Variants in NUP155 observed in about 807,000 individuals in gnomAD.
NUP155 encodes the protein nuclear pore complex protein Nup155.
Under a neutral mutation model 180.4 loss-of-function variants are expected in NUP155, and 71 were observed. The observed-to-expected ratio is 0.39, with a 90% confidence interval of 0.33 to 0.48. NUP155 has a LOEUF of 0.48. Among genes scored for constraint, NUP155 ranks in the 20% least tolerant of loss-of-function variants. NUP155 has a pLI of 0.91. For missense variants in NUP155, 1,553 were observed against 1,648.9 expected (o/e 0.94, Z 1.01); for synonymous variants, 582 against 559.5 (o/e 1.04, Z -0.57).
At chr5:37,356,229 CAAA>C (rs35469429) in intron 4 of NUP155, among the ~76,000 whole-genome samples, 2 of 91,452 alleles carry the variant, frequency 2.2e-5, no homozygotes, top group Non-Finnish European at 2.2e-5. Flanking sequence ...AATTCCATCT[CAAA>C]AAAAAAAAAA....
chr5:37,294,149 T>C (rs1402016066), intron 33 of NUP155, among the ~76,000 whole-genome samples, 180 bp downstream of exon 33: 4 of 152,060 alleles, frequency 2.6e-5, no homozygotes, highest in Non-Finnish European at 5.9e-5. Flanking sequence ...AATCATGATA[T>C]ACAGGAAAGC....
At chr5:37,358,905 T>C in intron 3 of NUP155, among the ~76,000 whole-genome samples, 1 of 151,954 alleles carries the variant, frequency 6.6e-6, no homozygotes, top group South Asian at 2.1e-4. Context: ...TGGTCCCAGC[T>C]ACTCGGGAGG....
chr5:37,346,173 G>A (rs1202300431), intron 9 of NUP155, among the ~76,000 whole-genome samples: 1 of 151,822 alleles, frequency 6.6e-6, no homozygotes, highest in Non-Finnish European at 1.5e-5. Context: ...AGCTACTCAG[G>A]AAGCTTAGGC....
At chr5:37,347,756 T>C (rs374817886) in intron 9 of NUP155, among the ~76,000 whole-genome samples, 13 of 149,344 alleles carry the variant, frequency 8.7e-5, no homozygotes, top group African/African-American at 3.2e-4. Context: ...AATCTCCACA[T>C]TTTGGGAGGC....
rs1343641684 is a variant in NUP155, at chr5:37,292,360, T to C, written c.4038-322A>G. Among the ~76,000 whole-genome samples, 3 of 151,974 alleles carry C rather than the reference T, an allele frequency of 2.0e-5. No individual in the cohort carries two copies. In the East Asian group the frequency reaches 5.8e-4, roughly 30 times the overall value. On this transcript the variant is annotated intron_variant, in intron 34 of 34. Transcript: ENST00000231498. ...CCTCCCGTGTAGCTGGGACTACAGG[T>C]GCCCGCCACCACGCCCAGCTAATTT...
At position 37,337,896 on chromosome 5, in the gene NUP155, T is replaced by G. The variant is rs749226312; in HGVS notation, c.1269A>C (p.Ser423=). ...YSKGILLMAA[S]ENEDNDILWC... Reference sequence around the variant, plus strand: ...ATAAAATATCATTATCCTCATTTTCTGAGGCTGCCATCAATAGAATACCTA... The same window carrying G: ...ATAAAATATCATTATCCTCATTTTCGGAGGCTGCCATCAATAGAATACCTA... The change falls in exon 12 of 35, where the codon TCA becomes TCC. Residue 423 remains serine (S), a synonymous_variant. Coordinates refer to ENST00000231498, the MANE Select transcript of NUP155 (RefSeq NM_153485.3). The G allele has an allele frequency of 1.3e-5, 21 of 1,608,168 alleles. No homozygotes were observed. In the South Asian group the frequency reaches 2.1e-4, roughly 16 times the overall value.
chr5:37,341,386 G>T (rs1209882927), intron 10 of NUP155, 144 bp from the exon 11 acceptor site: 1 of 751,882 alleles, frequency 1.3e-6, no homozygotes, highest in East Asian at 2.8e-5. Context: ...TTTGGAGATG[G>T]AGTCTAGCTC....
At chr5:37,367,173 T>G (rs1016627280) in intron 1 of NUP155, among the ~76,000 whole-genome samples, 3 of 151,642 alleles carry the variant, frequency 2.0e-5, no homozygotes, top group African/African-American at 7.3e-5. Context: ...GCCTCGTGAG[T>G]AGCTAGGACT....
chr5:37,347,151 C>T (rs1406717145), intron 9 of NUP155, among the ~76,000 whole-genome samples: 1 of 152,024 alleles, frequency 6.6e-6, no homozygotes, highest in Non-Finnish European at 1.5e-5. Context: ...TCGCTTAAGC[C>T]CAGGAGGTGG....
chr5:37,353,530 C>T (rs1746608369), intron 4 of NUP155, among the ~76,000 whole-genome samples: 1 of 151,766 alleles, frequency 6.6e-6, no homozygotes, highest in Non-Finnish European at 1.5e-5. Context: ...TGCAGTGAGC[C>T]GAGATCACGC....
At chr5:37,336,860 T>C (rs1036212798) in intron 12 of NUP155, among the ~76,000 whole-genome samples, 5 of 152,142 alleles carry the variant, frequency 3.3e-5, no homozygotes, top group African/African-American at 1.2e-4. Flanking sequence ...CACACCTTTT[T>C]CCAGTCCCAT....
In NUP155 at chr5:37,289,392, G is replaced by T. The variant is rs1387702579; in HGVS notation, c.*2508C>A. On this transcript the variant is annotated 3_prime_UTR_variant, in exon 35 of 35. Coordinates refer to ENST00000231498, the MANE Select transcript of NUP155 (RefSeq NM_153485.3). ...AGTGGATAAATGCTACTCCAACTCT[G>T]ATCCACTGACTGCCAGGATCAGCAT... is the stretch of plus-strand genomic sequence containing the variant. The T allele has an allele frequency of 1.3e-5, 2 of 151,838 alleles. No homozygotes were observed. Among genetic ancestry groups the T allele is most frequent in the African/African-American group, 4.8e-5 (2 of 41,392 alleles). 9.4% of individuals were successfully genotyped at this position (151,838 alleles called of 1,614,324 possible).
chr5:37,351,402 G>T, intron 5 of NUP155, 46 bp from the exon 6 acceptor site: 1 of 1,343,610 alleles, frequency 7.4e-7, no homozygotes, highest in Non-Finnish European at 1.1e-6. Flanking sequence ...CTACTCCACA[G>T]TTTTTAAAAA....
chr5:37,342,898 A>G (rs1046572366), intron 9 of NUP155, among the ~76,000 whole-genome samples: 1 of 151,382 alleles, frequency 6.6e-6, no homozygotes, highest in African/African-American at 2.4e-5. Context: ...CAGCACGCCC[A>G]GGTAATTTTT....
In NUP155 at chr5:37,365,711, G is replaced by GGAAAAAAAAAAAAAAAAA. The variant is rs1491216296; in HGVS notation, c.158-1328_158-1327insTTTTTTTTTTTTTTTTTC. Among the ~76,000 whole-genome samples the GGAAAAAAAAAAAAAAAAA allele has an allele frequency of 5.9e-5, 2 of 34,016 alleles. 1 individual carries two copies. Among genetic ancestry groups the GGAAAAAAAAAAAAAAAAA allele is most frequent in the Non-Finnish European group, 9.5e-5 (2 of 21,126 alleles). The allele number at this position is 34,016 out of a possible 152,430, so 22.3% of individuals were successfully genotyped here. On this transcript the variant is annotated intron_variant, in intron 1 of 34. Coordinates refer to ENST00000231498, the MANE Select transcript of NUP155 (RefSeq NM_153485.3). Reference sequence around the variant, plus strand: ...TGACAGAGCAAGACTCTGTCTCGGGGAGAAAAAAAAAAAAAAAAAAAAAAA... The same window carrying GGAAAAAAAAAAAAAAAAA: ...TGACAGAGCAAGACTCTGTCTCGGGGGAAAAAAAAAAAAAAAAAAGAAAAAAAAAAAAAAAAAAAAAAA...
chr5:37,337,135 G>A (rs1178822932), intron 12 of NUP155, among the ~76,000 whole-genome samples: 1 of 152,120 alleles, frequency 6.6e-6, no homozygotes, highest in African/African-American at 2.4e-5. Flanking sequence ...GACTAGGATG[G>A]GCAGCTGGGG....
At chr5:37,366,652 T>G (rs1747602221) in intron 1 of NUP155, among the ~76,000 whole-genome samples, 1 of 134,460 alleles carries the variant, frequency 7.4e-6, no homozygotes, top group Admixed American at 8.8e-5. Flanking sequence ...TTGGCCAGGA[T>G]AGTCTCAATC....
At chr5:37,360,603 C>T (rs1248612791) in intron 3 of NUP155, among the ~76,000 whole-genome samples, 4 of 151,128 alleles carry the variant, frequency 2.6e-5, no homozygotes, top group South Asian at 2.1e-4. Flanking sequence ...TTGCCCAACC[C>T]GGTGAAACTC....
In NUP155 at chr5:37,327,760, G is replaced by A; in HGVS notation, c.1893C>T (p.Ala631=). 1 of 1,614,024 alleles carries A rather than the reference G, an allele frequency of 6.2e-7. No homozygotes were observed. The highest frequency in any genetic ancestry group is 8.5e-7 in the Non-Finnish European group (1 of 1,179,982). ...GTPSHGIQPP[A]MSTPVCALGN... ...CCAGAGCACACACTGGAGTTGACAT[G>A]GCAGGAGGCTGTATACCTTGTACAC... The change falls in exon 18 of 35, where the codon GCC becomes GCT. Residue 631 remains alanine (A), a synonymous_variant. Transcript: ENST00000231498.
Sources: gnomAD v4.1 joint callset for allele counts (sites outside exome capture counted in the v4.1 genomes callset) on GRCh38, gnomAD v4.1.1 for gene constraint, MANE v1.5 for transcripts, NCBI Gene and HGNC (gene_info 2026-07-23, HGNC 2026-07-21) for gene names.